The following SLC15A1 variants were observed in gnomAD, a reference collection of about 807,000 sequenced individuals.
SLC15A1 encodes solute carrier family 15 member 1.
Under a neutral mutation model 92.9 loss-of-function variants are expected in SLC15A1, and 83 were observed. The observed-to-expected ratio is 0.89, with a 90% CI of 0.75 to 1.07. SLC15A1 has a LOEUF of 1.07. SLC15A1 is among the 50% of genes least tolerant of loss of function. The pLI, the probability that SLC15A1 is intolerant of heterozygous loss-of-function variation, is 0.00. For missense variants in SLC15A1, 857 were observed against 880.1 expected (o/e 0.97, Z 0.33); for synonymous variants, 322 against 318.2 (o/e 1.01, Z -0.13).
At chr13:98,727,870 C>T (rs1300416732) in intron 1 of SLC15A1, among the ~76,000 whole-genome samples, 1 of 152,234 alleles carries the variant, frequency 6.6e-6, no homozygotes, top group Non-Finnish European at 1.5e-5. Context: ...CCTGAACATG[C>T]TCCACCTCCA....
intron 18 of SLC15A1, among the ~76,000 whole-genome samples, chr13:98,689,194 C>T (rs1452325890): frequency 6.6e-6 from 1 of 152,224 alleles, no homozygotes; most frequent in African/African-American, 2.4e-5. Context: ...CCCACCTCGG[C>T]CTCCCAAAGT....
Position 98,715,874 on chromosome 13 carries a change from T to G in SLC15A1, c.723+4A>C, listed in dbSNP as rs1478330433. 1.9e-6 allele frequency: 3 copies of G among 1,613,524 alleles called. No individual in the cohort carries two copies. The highest frequency in any genetic ancestry group is 2.5e-6 in the Non-Finnish European group (3 of 1,179,426). On this transcript the variant is annotated splice_donor_region_variant and intron_variant, in intron 9 of 22. Transcript: ENST00000376503. ...CCTTGAGAAAGAGCAGCTGAGATAC[T>G]TACACCGATGCACTTGGCCACTTTA...
At chr13:98,698,676 A>G (rs2088042799) in intron 18 of SLC15A1, among the ~76,000 whole-genome samples, 1 of 152,156 alleles carries the variant, frequency 6.6e-6, no homozygotes, top group Non-Finnish European at 1.5e-5. Context: ...ACCTCAGGTG[A>G]TCCACCTACC....
At position 98,704,378 on chromosome 13, in the gene SLC15A1, G is replaced by A; in HGVS notation, c.1327C>T (p.Pro443Ser). ...NKLTRINISS[P>S]GSPVTAVTDD... is the part of the protein sequence containing the mutation. Reference sequence around the variant, plus strand: ...GTTACAGCAGTGACTGGTGATCCAGGAGAAGAAATGTTTATCCTTGTCAGT... The same window carrying A: ...GTTACAGCAGTGACTGGTGATCCAGAAGAAGAAATGTTTATCCTTGTCAGT... Residue 443 changes from proline (P) to serine (S), a missense_variant, in exon 17 of 23, where the codon CCT (proline) becomes TCT (serine). By Grantham distance (74) the Pro-to-Ser change is moderately conservative. Coordinates refer to ENST00000376503, the MANE Select transcript of SLC15A1 (RefSeq NM_005073.4). The A allele has an allele frequency of 6.2e-7, 1 of 1,613,988 alleles. No homozygotes were observed.
intron 15 of SLC15A1, among the ~76,000 whole-genome samples, chr13:98,707,237 G>C (rs1458340140): frequency 6.6e-6 from 1 of 152,202 alleles, no homozygotes; most frequent in African/African-American, 2.4e-5. Context: ...TAGCCAAAAG[G>C]TGCAGGTAAC....
intron 18 of SLC15A1, 63 bp from the exon 19 acceptor site, chr13:98,688,640 A>C: frequency 1.7e-6 from 2 of 1,198,734 alleles, no homozygotes; most frequent in Non-Finnish European, 2.5e-6. Context: ...AGGTCACAGT[A>C]CATGCACCTG....
intron 10 of SLC15A1, 74 bp from the exon 11 acceptor site, chr13:98,712,017 C>G: frequency 9.1e-7 from 1 of 1,099,970 alleles, no homozygotes; most frequent in South Asian, 1.3e-5. Context: ...ACAGGTGCTG[C>G]TGATTTCAGT....
chr13:98,726,127 A>G lies in SLC15A1; in HGVS notation c.241T>C (p.Phe81Leu), dbSNP rs751504367. Residue 81 changes from phenylalanine to leucine, a missense_variant, in exon 4 of 23, where the codon TTC (phenylalanine) becomes CTC (leucine). Physicochemically the swap from Phe to Leu is conservative, Grantham distance 22. Transcript: ENST00000376503. ...AAGAAATTTCCAGCCACTCACTTGA[A>G]CTTTCCCAGCCACGAGTCGGCGATA... ...ALIADSWLGKFKTIVSLSIVY... is the reference protein window; with the variant it reads ...ALIADSWLGKLKTIVSLSIVY... The G allele has an allele frequency of 1.2e-6, 2 of 1,613,602 alleles. No homozygotes were observed. Among genetic ancestry groups the G allele is most frequent in the African/African-American group, 2.7e-5 (2 of 74,860 alleles).
chr13:98,742,160 C>T lies in SLC15A1; in HGVS notation c.4+10435G>A, dbSNP rs561181183. 1.5e-3 allele frequency among the ~76,000 whole-genome samples: 229 copies of T among 152,288 alleles called. 1 individual carries two copies. The highest frequency in any genetic ancestry group is 2.0e-3 in the Non-Finnish European group (139 of 68,016). Reference sequence around the variant, plus strand: ...GAGGGGCTCCACCTCCCTCAGGACCCCCGAGGATTCTGGTGAGGCGGTGGG... The same window carrying T: ...GAGGGGCTCCACCTCCCTCAGGACCTCCGAGGATTCTGGTGAGGCGGTGGG... On this transcript the variant is annotated intron_variant, in intron 1 of 22. Transcript: ENST00000376503.
rs143036725 is a variant in SLC15A1, at chr13:98,746,110, C to A, written c.4+6485G>T. On this transcript the variant is annotated intron_variant, in intron 1 of 22. Transcript: ENST00000376503. ...TCTCATCATTTCGCTGCTGCTTATA[C>A]GTGGGAAAATGCAGTGTTTGATTTT... Among the ~76,000 whole-genome samples the A allele has an allele frequency of 1.0e-3, 154 of 152,254 alleles. 2 individuals carry two copies. Among genetic ancestry groups the A allele is most frequent in the African/African-American group, 3.1e-3 (129 of 41,554 alleles).
intron 21 of SLC15A1, among the ~76,000 whole-genome samples, chr13:98,686,582 G>A (rs1327596608): frequency 1.3e-5 from 2 of 152,180 alleles, no homozygotes; most frequent in African/African-American, 2.4e-5. Flanking sequence ...CTACAGGAGA[G>A]CTTCCAAGCA....
intron 7 of SLC15A1, 128 bp downstream of exon 7, chr13:98,721,367 G>A (rs867051101): frequency 8.1e-6 from 6 of 736,888 alleles, no homozygotes; most frequent in Admixed American, 4.0e-5. Context: ...AGATTCCAAC[G>A]TGCATCCCAG....
intron 15 of SLC15A1, 74 bp downstream of exon 15, chr13:98,708,612 T>C: frequency 3.0e-6 from 4 of 1,340,746 alleles, no homozygotes; most frequent in Non-Finnish European, 4.1e-6. Context: ...CCCTTCATGC[T>C]GAAGAAAGAA....
rs1243124098 is a variant in SLC15A1, at chr13:98,684,675, G to A, written c.*49C>T. The A allele has an allele frequency of 1.3e-6, 2 of 1,526,632 alleles. No homozygotes were observed. Among genetic ancestry groups the A allele is most frequent in the Non-Finnish European group, 9.0e-7 (1 of 1,106,512 alleles). The allele number at this position is 1,526,632 out of a possible 1,614,324, so 94.6% of individuals were successfully genotyped here. The stretch of plus-strand genomic sequence containing the variant: ...GAGTGTCCTGCTACCTGGGGGCAGA[G>A]GTCAGGGCATCTGCGGGCCCAGTCC... On this transcript the variant is annotated 3_prime_UTR_variant, in exon 23 of 23. Coordinates refer to ENST00000376503, the MANE Select transcript of SLC15A1 (RefSeq NM_005073.4).
intron 1 of SLC15A1, among the ~76,000 whole-genome samples, chr13:98,738,796 A>T (rs1388387711): frequency 6.6e-6 from 1 of 152,248 alleles, no homozygotes; most frequent in African/African-American, 2.4e-5. Context: ...CCCCACACAG[A>T]GTCCCCATTG....
intron 11 of SLC15A1, among the ~76,000 whole-genome samples, chr13:98,711,487 T>C (rs2088162317): frequency 6.6e-6 from 1 of 152,196 alleles, no homozygotes; most frequent in Non-Finnish European, 1.5e-5. Flanking sequence ...ATGGGCTCCA[T>C]AAAAGGCAAT....
At chr13:98,747,991 CA>C (rs2088508674) in intron 1 of SLC15A1, among the ~76,000 whole-genome samples, 1 of 152,194 alleles carries the variant, frequency 6.6e-6, no homozygotes, top group East Asian at 1.9e-4. Flanking sequence ...GCATTCCATC[CA>C]AACTGGGCAA....
In SLC15A1 at chr13:98,684,712, G is replaced by C; in HGVS notation, c.*12C>G. 1 of 1,612,600 alleles carries C rather than the reference G, an allele frequency of 6.2e-7. No individual in the cohort carries two copies. On this transcript the variant is annotated 3_prime_UTR_variant, in exon 23 of 23. Transcript: ENST00000376503. ...TGCGGGCCCAGTCCATCCTCCACTT[G>C]CCTCCTGACCTTCACATCTGTTTCT...
intron 20 of SLC15A1, among the ~76,000 whole-genome samples, 189 bp downstream of exon 20, chr13:98,688,059 C>T (rs1486011691): frequency 6.6e-6 from 1 of 152,206 alleles, no homozygotes; most frequent in Non-Finnish European, 1.5e-5. Context: ...GGAAGTCAGT[C>T]TGTTTAGATT....
Sources: allele counts gnomAD v4.1 joint callset (sites outside exome capture counted in the v4.1 genomes callset), GRCh38; gene constraint gnomAD v4.1.1; transcripts MANE v1.5; gene names NCBI Gene and HGNC (gene_info 2026-07-23, HGNC 2026-07-21).